Variants in SEM1 observed in about 807,000 individuals in gnomAD.
SEM1 encodes the protein SEM1 26S proteasome subunit.
In SEM1, 3 loss-of-function variants were observed where a neutral mutation model predicts 12.7. The ratio of observed to expected loss-of-function variants is 0.24; its 90% CI spans 0.11 to 0.61. The LOEUF (loss-of-function observed/expected upper bound fraction) is 0.61. Ranked by LOEUF, SEM1 falls within the 20% of genes least tolerant of loss-of-function variation. The probability of loss-of-function intolerance (pLI) is 0.88; values close to 1 mark genes in which losing one functional copy is unlikely to be tolerated. For synonymous variants in SEM1, 30 were observed against 27.8 expected (o/e 1.08, Z -0.25); for missense variants, 59 against 81.3 (o/e 0.73, Z 1.06).
chr7:96,529,300 C>T lies in SEM1; in HGVS notation c.171-22602G>A, dbSNP rs190215261. Among the ~76,000 whole-genome samples, 84 of 152,096 alleles carry T rather than the reference C, an allele frequency of 5.5e-4. No homozygotes were observed. The East Asian group carries it at 0.011, about 19-fold the overall frequency. The stretch of plus-strand genomic sequence containing the variant: ...ATGTTAATTTATAAAGTAAACAAAA[C>T]GCTAATTTGAAATCCACTTTTTTCC... On this transcript the variant is annotated intron_variant and NMD_transcript_variant, in intron 2 of 3. Coordinates refer to the SEM1 transcript ENST00000466986.
At position 96,652,457 on chromosome 7, in the gene SEM1, C is replaced by A. The variant is rs62470371; in HGVS notation, c.171-29814G>T. Among the ~76,000 whole-genome samples, 1,490 of 151,184 alleles carry A rather than the reference C, an allele frequency of 9.9e-3. 17 individuals carry two copies. The highest frequency in any genetic ancestry group is 0.018 in the Non-Finnish European group (1,206 of 67,820). The stretch of plus-strand genomic sequence containing the variant: ...TTCTTTGTAAAAAATTGAGGGAAAT[C>A]ATAGAAAAATAATCACCAACACAAA... On this transcript the variant is annotated intron_variant, in intron 2 of 2. Coordinates refer to the SEM1 transcript ENST00000417009.
At chr7:96,646,949 TTTCAAACTACAG>T (rs1331963981) in intron 2 of SEM1, among the ~76,000 whole-genome samples, 1 of 152,208 alleles carries the variant, frequency 6.6e-6, no homozygotes, top group Non-Finnish European at 1.5e-5. Flanking sequence ...TGTTTGCTCC[TTTCAAACTACAG>T]TTAGATATTA....
intron 3 of SEM1, among the ~76,000 whole-genome samples, chr7:96,484,358 C>A (rs1289754557): frequency 6.6e-6 from 1 of 152,132 alleles, no homozygotes; most frequent in Non-Finnish European, 1.5e-5. Context: ...GAGTGAAGTT[C>A]TTTTTCAAAG....
chr7:96,668,274 A>G (rs1164910303), intron 2 of SEM1, among the ~76,000 whole-genome samples: 1 of 152,180 alleles, frequency 6.6e-6, no homozygotes, highest in African/African-American at 2.4e-5. Context: ...ACTTCTGAAT[A>G]AGAGTATAAA....
chr7:96,582,406 T>C (rs1806442125), intron 2 of SEM1, among the ~76,000 whole-genome samples: 1 of 150,630 alleles, frequency 6.6e-6, no homozygotes, highest in South Asian at 2.1e-4. Context: ...GCATCAATGT[T>C]CATCAAGGAT....
At chr7:96,705,728 G>C (rs957279763) in intron 1 of SEM1, among the ~76,000 whole-genome samples, 1 of 151,734 alleles carries the variant, frequency 6.6e-6, no homozygotes, top group Non-Finnish European at 1.5e-5. Flanking sequence ...GCTGAGGCAG[G>C]AGAATGGTGT....
chr7:96,591,074 C>G (rs1806814609), intron 2 of SEM1, among the ~76,000 whole-genome samples: 1 of 152,114 alleles, frequency 6.6e-6, no homozygotes, highest in Non-Finnish European at 1.5e-5. Flanking sequence ...ATATACTTGG[C>G]AATTTAATTG....
chr7:96,700,019 A>T (rs1392536562), intron 1 of SEM1, among the ~76,000 whole-genome samples: 3 of 152,238 alleles, frequency 2.0e-5, no homozygotes, highest in Non-Finnish European at 2.9e-5. Context: ...TGGGTAAATT[A>T]AATTTTTCTG....
At chr7:96,510,428 G>A (rs1323528882) in intron 2 of SEM1, among the ~76,000 whole-genome samples, 2 of 152,112 alleles carry the variant, frequency 1.3e-5, no homozygotes, top group Non-Finnish European at 2.9e-5. Context: ...ATAGGCAATT[G>A]TAACACAGTG....
At chr7:96,621,971 C>T (rs547852482), downstream of SEM1, 1 of 152,356 alleles carries the variant, frequency 6.6e-6, no homozygotes, top group African/African-American at 2.4e-5. Context: ...CAAAATGACC[C>T]CCAGAGTAAA....
chr7:96,634,984 A>G (rs1044805045), intron 2 of SEM1, among the ~76,000 whole-genome samples: 5 of 152,140 alleles, frequency 3.3e-5, no homozygotes, highest in Non-Finnish European at 5.9e-5. Flanking sequence ...TGTAGAATGA[A>G]CTACAAAGAG....
intron 2 of SEM1, among the ~76,000 whole-genome samples, chr7:96,585,384 G>A (rs1806584987): frequency 6.6e-6 from 1 of 152,238 alleles, no homozygotes; most frequent in Admixed American, 6.5e-5. Context: ...GTCAGACAGG[G>A]ACATTTAAGT....
chr7:96,621,018 A>G (rs1807875869), downstream of SEM1, among the ~76,000 whole-genome samples: 1 of 152,174 alleles, frequency 6.6e-6, no homozygotes, highest in Non-Finnish European at 1.5e-5. Flanking sequence ...GGTCTGCCCC[A>G]GATTTGACCC....
At chr7:96,646,735 T>C (rs1172579142) in intron 2 of SEM1, among the ~76,000 whole-genome samples, 1 of 152,212 alleles carries the variant, frequency 6.6e-6, no homozygotes, top group African/African-American at 2.4e-5. Context: ...AATGGTGATA[T>C]ATACTTGAGA....
chr7:96,570,560 T>C (rs7796023), intron 2 of SEM1, among the ~76,000 whole-genome samples: 82,767 of 152,028 alleles, frequency 0.54, 24,589 homozygotes, highest in Non-Finnish European at 0.68. Context: ...TTCCATGGTA[T>C]ATATGTGCCA....
chr7:96,535,975 C>T (rs552934063), intron 2 of SEM1, among the ~76,000 whole-genome samples: 2 of 151,906 alleles, frequency 1.3e-5, no homozygotes, highest in South Asian at 2.1e-4. Flanking sequence ...GGTACATATC[C>T]GGGAGTGGGA....
chr7:96,687,564 AT>A (rs1284310747), downstream of SEM1, among the ~76,000 whole-genome samples: 2 of 151,998 alleles, frequency 1.3e-5, no homozygotes, highest in East Asian at 3.9e-4. Flanking sequence ...GTTCTCACTC[AT>A]AGATGGGAAT....
chr7:96,665,554 T>C (rs1789149146), intron 2 of SEM1, among the ~76,000 whole-genome samples: 2 of 152,234 alleles, frequency 1.3e-5, no homozygotes, highest in Admixed American at 1.3e-4. Flanking sequence ...GGCTTGGCGA[T>C]AGTTATTTTT....
rs1430783617 is a variant in SEM1 at position 96,582,581 on chromosome 7, G to A, written c.171-75883C>T. Among the ~76,000 whole-genome samples the A allele has an allele frequency of 6.1e-4, 93 of 151,964 alleles. 1 individual carries two copies. Among genetic ancestry groups the A allele is most frequent in the Admixed American group, 1.3e-3 (20 of 15,272 alleles). On this transcript the variant is annotated intron_variant and NMD_transcript_variant, in intron 2 of 3. Coordinates refer to the SEM1 transcript ENST00000466986. The stretch of plus-strand genomic sequence containing the variant: ...CCTCCTTGTACCTCTGGTAGAATTC[G>A]GCTGTGAATCTGTCTGGTCCTAGAC...
Sources: gnomAD v4.1 joint callset for allele counts (sites outside exome capture counted in the v4.1 genomes callset) on GRCh38, gnomAD v4.1.1 for gene constraint, MANE v1.5 for transcripts, NCBI Gene and HGNC (gene_info 2026-07-23, HGNC 2026-07-21) for gene names.